The following LUZP2 variants were observed in gnomAD, a reference collection of about 807,000 sequenced individuals.
LUZP2 encodes leucine zipper protein 2.
A neutral mutation model predicts 51.6 loss-of-function variants in LUZP2; 52 were observed. The observed-to-expected ratio is 1.01, with a 90% confidence interval of 0.81 to 1.27. The LOEUF (loss-of-function observed/expected upper bound fraction) is 1.27, where lower values mean the gene tolerates loss of function less well. Among genes scored for constraint, LUZP2 ranks in the 50% most tolerant of loss-of-function variants. LUZP2 has a pLI of 0.00. For synonymous variants in LUZP2, 154 were observed against 137.3 expected (o/e 1.12, Z -0.85); for missense variants, 436 against 395.4 (o/e 1.10, Z -0.87).
intron 5 of LUZP2, among the ~76,000 whole-genome samples, chr11:24,896,553 T>C (rs1853063834): frequency 6.6e-6 from 1 of 152,090 alleles, no homozygotes; most frequent in African/African-American, 2.4e-5. Context: ...ACCTGCAGCC[T>C]CCCATGCCCC....
chr11:25,000,581 T>C (rs7939458), intron 9 of LUZP2, among the ~76,000 whole-genome samples: 59,149 of 151,940 alleles, frequency 0.39, 13,796 homozygotes, highest in East Asian at 0.69. Context: ...CAAAGGTGAG[T>C]AACAGCAAAA....
intron 5 of LUZP2, among the ~76,000 whole-genome samples, chr11:24,874,277 C>A (rs373985055): frequency 6.6e-6 from 1 of 152,076 alleles, no homozygotes; most frequent in East Asian, 1.9e-4. Context: ...TGTCAGGTTC[C>A]AACCTGAGCT....
At chr11:24,915,695 T>C (rs1208814664) in intron 7 of LUZP2, among the ~76,000 whole-genome samples, 5 of 151,808 alleles carry the variant, frequency 3.3e-5, no homozygotes, top group South Asian at 4.2e-4. Context: ...GATAGATAGA[T>C]AGATAGATTA....
intron 1 of LUZP2, among the ~76,000 whole-genome samples, chr11:24,529,407 G>A (rs1008471385): frequency 3.3e-5 from 5 of 150,950 alleles, no homozygotes; most frequent in Non-Finnish European, 7.4e-5. Flanking sequence ...TACTAATCAT[G>A]ACTACTAATC....
At chr11:25,003,314 T>G (rs1856744580) in intron 9 of LUZP2, among the ~76,000 whole-genome samples, 1 of 152,074 alleles carries the variant, frequency 6.6e-6, no homozygotes. Flanking sequence ...TCCACGTAAG[T>G]TGGGATGTGT....
chr11:24,835,736 G>A (rs1850843729), intron 5 of LUZP2, among the ~76,000 whole-genome samples: 1 of 152,038 alleles, frequency 6.6e-6, no homozygotes, highest in Non-Finnish European at 1.5e-5. Flanking sequence ...GCTGAGAAAT[G>A]TTGTAATTAT....
intron 1 of LUZP2, among the ~76,000 whole-genome samples, chr11:24,548,261 T>C (rs148982786): frequency 6.6e-6 from 1 of 152,234 alleles, no homozygotes; most frequent in African/African-American, 2.4e-5. Context: ...ATATGTTCAT[T>C]GCAGCACTGT....
intron 9 of LUZP2, among the ~76,000 whole-genome samples, chr11:25,021,810 A>G (rs1857342197): frequency 6.6e-6 from 1 of 151,994 alleles, no homozygotes; most frequent in African/African-American, 2.4e-5. Flanking sequence ...GCAGTGACAA[A>G]GAAGAATGGT....
Position 25,080,291 on chromosome 11 carries a change from A to G in LUZP2, c.*1633A>G, listed in dbSNP as rs1261356775. The stretch of plus-strand genomic sequence containing the variant: ...GGGTTTGTGTTAGACAATTTGCCCA[A>G]CTGTAGGATGAGGTATATGTTCTGA... On this transcript the variant is annotated 3_prime_UTR_variant, in exon 12 of 12. Coordinates refer to ENST00000336930, the MANE Select transcript of LUZP2 (RefSeq NM_001009909.4). 1 of 152,182 alleles carries G rather than the reference A, an allele frequency of 6.6e-6. No individual in the cohort carries two copies. Among genetic ancestry groups the G allele is most frequent in the Non-Finnish European group, 1.5e-5 (1 of 68,038 alleles). 9.4% of individuals were successfully genotyped at this position (152,182 alleles called of 1,614,324 possible).
At chr11:24,828,490 A>T (rs530174840) in intron 5 of LUZP2, among the ~76,000 whole-genome samples, 11 of 152,178 alleles carry the variant, frequency 7.2e-5, no homozygotes, top group Admixed American at 6.5e-4. Flanking sequence ...ATTAAGAAAA[A>T]TCACAGGTAT....
rs571073673 is a variant in LUZP2 at position 24,915,682 on chromosome 11, A to T, written c.522+1144A>T. 2.2e-3 allele frequency among the ~76,000 whole-genome samples: 331 copies of T among 152,164 alleles called. 2 individuals carry two copies. Among genetic ancestry groups the T allele is most frequent in the Non-Finnish European group, 3.0e-3 (203 of 67,974 alleles). On this transcript the variant is annotated intron_variant, in intron 7 of 11. Coordinates refer to ENST00000336930, the MANE Select transcript of LUZP2 (RefSeq NM_001009909.4). ...AGATAGATAGATGATAGATAGATAG[A>T]TGGATAGATAGATAGATAGATTAGA...
Position 24,684,422 on chromosome 11 carries a change from T to A in LUZP2, c.63-44747T>A, listed in dbSNP as rs147489140. On this transcript the variant is annotated intron_variant, in intron 1 of 11. Transcript: ENST00000336930. ...TCCCAAGCTCTTTCATGGATGTGCA[T>A]TTGCTTGTAGTGTTCCTTCTGTCCT... Among the ~76,000 whole-genome samples the A allele has an allele frequency of 4.7e-3, 711 of 152,312 alleles. 24 individuals carry two copies. The highest frequency in any genetic ancestry group is 0.044 in the Admixed American group (670 of 15,298).
At chr11:24,869,077 A>G (rs540349737) in intron 5 of LUZP2, among the ~76,000 whole-genome samples, 1 of 152,296 alleles carries the variant, frequency 6.6e-6, no homozygotes, top group East Asian at 1.9e-4. Context: ...ACTCTGTGAC[A>G]AGGTCTTCCT....
chr11:24,513,901 A>C (rs1384544847), intron 1 of LUZP2, among the ~76,000 whole-genome samples: 8 of 152,230 alleles, frequency 5.3e-5, no homozygotes, highest in Non-Finnish European at 7.3e-5. Flanking sequence ...AGAGTTGCCA[A>C]ACAGAATGCT....
intron 1 of LUZP2, among the ~76,000 whole-genome samples, chr11:24,518,649 C>A (rs532790303): frequency 6.6e-6 from 1 of 152,070 alleles, no homozygotes; most frequent in Non-Finnish European, 1.5e-5. Flanking sequence ...GGGTTGTTTT[C>A]TTCTTGATCT....
chr11:25,053,289 G>A (rs1334142476), intron 10 of LUZP2, among the ~76,000 whole-genome samples: 1 of 151,982 alleles, frequency 6.6e-6, no homozygotes, highest in Non-Finnish European at 1.5e-5. Context: ...GATATTTTTG[G>A]TTAACTTTTT....
intron 1 of LUZP2, among the ~76,000 whole-genome samples, chr11:24,500,639 G>A (rs1005193480): frequency 2.0e-5 from 3 of 152,098 alleles, no homozygotes; most frequent in Admixed American, 6.5e-5. Context: ...GTTCCTTTAC[G>A]CTGTGGTTAT....
intron 7 of LUZP2, among the ~76,000 whole-genome samples, chr11:24,968,931 A>G (rs1333147287): frequency 1.3e-5 from 2 of 152,238 alleles, no homozygotes; most frequent in Admixed American, 6.5e-5. Flanking sequence ...AGTTGTTTAT[A>G]GGAGGAGGGC....
chr11:24,977,725 CATA>C (rs571510960), intron 8 of LUZP2, among the ~76,000 whole-genome samples: 92 of 151,294 alleles, frequency 6.1e-4, no homozygotes, highest in Admixed American at 1.2e-3. Flanking sequence ...CACATATGCC[CATA>C]ATATGTATGT....
Sources: gnomAD v4.1 joint callset for allele counts (sites outside exome capture counted in the v4.1 genomes callset) on GRCh38, gnomAD v4.1.1 for gene constraint, MANE v1.5 for transcripts, NCBI Gene and HGNC (gene_info 2026-07-23, HGNC 2026-07-21) for gene names.